ATP8A2: variants seen among roughly 807,000 people sequenced by gnomAD.
ATP8A2 encodes the protein ATPase phospholipid transporting 8A2.
In ATP8A2, 100 loss-of-function variants were observed where a neutral mutation model predicts 165.6. The observed-to-expected ratio is 0.60, with a 90% confidence interval of 0.51 to 0.71. ATP8A2 has a LOEUF of 0.71. Among genes scored for constraint, ATP8A2 ranks in the 30% least tolerant of loss-of-function variants. The pLI is 0.00. For missense variants in ATP8A2, 1,227 were observed against 1,479.5 expected, an observed-to-expected ratio of 0.83 and a Z score of 2.80; for synonymous variants, 543 against 548.8, an observed-to-expected ratio of 0.99 and a Z score of 0.15.
At chr13:25,818,164 C>G (rs554890948) in intron 27 of ATP8A2, among the ~76,000 whole-genome samples, 8 of 152,208 alleles carry the variant, frequency 5.3e-5, no homozygotes, top group African/African-American at 1.7e-4. Context: ...ATATTTTAAA[C>G]TGGAGTGGTT....
intron 35 of ATP8A2, among the ~76,000 whole-genome samples, chr13:25,976,183 C>T (rs1294142233): frequency 6.6e-6 from 1 of 152,186 alleles, no homozygotes; most frequent in Non-Finnish European, 1.5e-5. Context: ...CCTGCCTCAG[C>T]CTCCCAAGTA....
intron 1 of ATP8A2, among the ~76,000 whole-genome samples, chr13:25,436,573 A>C (rs2034782053): frequency 6.6e-6 from 1 of 152,086 alleles, no homozygotes; most frequent in Non-Finnish European, 1.5e-5. Context: ...GATGAACATA[A>C]GCGTGTGTCT....
chr13:25,413,278 G>GGTT (rs2034026910), intron 1 of ATP8A2, among the ~76,000 whole-genome samples: 2 of 105,262 alleles, frequency 1.9e-5, no homozygotes, highest in African/African-American at 7.4e-5. Context: ...CTTTTTCTTT[G>GGTT]TTTTTTTTTT....
At chr13:25,630,077 G>GT (rs1011429082) in intron 24 of ATP8A2, among the ~76,000 whole-genome samples, 2 of 115,808 alleles carry the variant, frequency 1.7e-5, no homozygotes, top group African/African-American at 3.7e-5. Flanking sequence ...ACACCTTTTT[G>GT]TCCCCCCCCC....
Position 25,514,123 on chromosome 13 carries a change from C to G in ATP8A2, c.222-15876C>G, listed in dbSNP as rs76920166. On this transcript the variant is annotated intron_variant, in intron 2 of 36. Transcript: ENST00000381655. ...TTGGTTTTACTTTTTGGAAAATTTG[C>G]TTAGCTTTATTTTTCACTTCCTTTT... Among the ~76,000 whole-genome samples, 1,056 of 152,134 alleles carry G rather than the reference C, an allele frequency of 6.9e-3. 15 individuals are homozygous for G. Among genetic ancestry groups the G allele is most frequent in the African/African-American group, 0.024 (981 of 41,506 alleles).
chr13:25,555,443 AG>A (rs2038953041), intron 13 of ATP8A2, among the ~76,000 whole-genome samples: 1 of 152,188 alleles, frequency 6.6e-6, no homozygotes. Context: ...GCCAATTTAA[AG>A]GACATGCATT....
intron 24 of ATP8A2, among the ~76,000 whole-genome samples, chr13:25,618,224 T>C (rs1366163300): frequency 4.6e-5 from 7 of 152,082 alleles, no homozygotes; most frequent in Non-Finnish European, 7.4e-5. Flanking sequence ...AATGGAAAGA[T>C]TGAGAGTGAC....
intron 24 of ATP8A2, among the ~76,000 whole-genome samples, chr13:25,667,774 A>ATT (rs60051888): frequency 2.0e-5 from 3 of 150,308 alleles, no homozygotes; most frequent in African/African-American, 7.3e-5. Flanking sequence ...TTTGTGTTTG[A>ATT]TTTTTTTTTC....
chr13:25,557,101 CA>C lies in ATP8A2; in HGVS notation c.1264-1864del, dbSNP rs201627991. Among the ~76,000 whole-genome samples, 365 of 151,510 alleles carry C rather than the reference CA, an allele frequency of 2.4e-3. 3 individuals are homozygous for C. Among genetic ancestry groups the C allele is most frequent in the African/African-American group, 7.9e-3 (325 of 41,358 alleles). ...GTAGACTAAAATAGACCTTTGTAGACAAAAAAAAGCAAGTGATTGTGTTTCT... is the reference window on the plus strand; with the variant it reads ...GTAGACTAAAATAGACCTTTGTAGACAAAAAAAGCAAGTGATTGTGTTTCT... On this transcript the variant is annotated intron_variant, in intron 13 of 36. Transcript: ENST00000381655.
intron 1 of ATP8A2, among the ~76,000 whole-genome samples, chr13:25,435,223 C>T (rs1338255424): frequency 6.6e-6 from 1 of 151,260 alleles, no homozygotes; most frequent in South Asian, 2.1e-4. Context: ...CGGTTTCAAG[C>T]GATTCTCCTG....
At chr13:25,403,926 T>C (rs541239624) in intron 1 of ATP8A2, among the ~76,000 whole-genome samples, 1 of 152,284 alleles carries the variant, frequency 6.6e-6, no homozygotes, top group South Asian at 2.1e-4. Flanking sequence ...CCTAGAAGTA[T>C]GAAGGAGGGA....
chr13:25,921,617 G>C (rs1258984199), intron 33 of ATP8A2, among the ~76,000 whole-genome samples: 3 of 89,666 alleles, frequency 3.3e-5, no homozygotes, highest in African/African-American at 1.3e-4. Flanking sequence ...GCTAGACTCT[G>C]TCTCAAAAAA....
chr13:25,431,885 C>G (rs2034624530), intron 1 of ATP8A2, among the ~76,000 whole-genome samples: 1 of 152,104 alleles, frequency 6.6e-6, no homozygotes, highest in South Asian at 2.1e-4. Context: ...TGTTAACAGT[C>G]ACTCCCCTTC....
chr13:25,607,560 C>T (rs2040550213), intron 24 of ATP8A2, among the ~76,000 whole-genome samples: 1 of 152,230 alleles, frequency 6.6e-6, no homozygotes, highest in Middle Eastern at 3.4e-3. Flanking sequence ...CAACACAAAC[C>T]GCATGGCCCA....
At chr13:25,813,572 T>A (rs1950935460) in intron 27 of ATP8A2, among the ~76,000 whole-genome samples, 1 of 152,148 alleles carries the variant, frequency 6.6e-6, no homozygotes, top group South Asian at 2.1e-4. Flanking sequence ...CGATATAATA[T>A]GGCCTGTGAT....
chr13:25,508,364 T>C (rs1434751982), intron 2 of ATP8A2, among the ~76,000 whole-genome samples: 2 of 152,214 alleles, frequency 1.3e-5, no homozygotes, highest in African/African-American at 4.8e-5. Flanking sequence ...CCAGTATTCA[T>C]GGACATATGA....
intron 30 of ATP8A2, among the ~76,000 whole-genome samples, chr13:25,844,796 A>G (rs1231348595): frequency 6.6e-6 from 1 of 152,050 alleles, no homozygotes; most frequent in East Asian, 1.9e-4. Context: ...CCCACTTGAT[A>G]CCTTATGGAT....
At chr13:25,379,917 T>C (rs982271120) in intron 1 of ATP8A2, among the ~76,000 whole-genome samples, 20 of 152,202 alleles carry the variant, frequency 1.3e-4, no homozygotes, top group African/African-American at 3.6e-4. Flanking sequence ...TTCAACTCGA[T>C]TGAACTCTTC....
intron 25 of ATP8A2, among the ~76,000 whole-genome samples, chr13:25,706,231 A>G (rs2043052293): frequency 6.6e-6 from 1 of 152,106 alleles, no homozygotes; most frequent in Non-Finnish European, 1.5e-5. Flanking sequence ...AGCAGTTTAG[A>G]GGTTATTTTG....
Sources: gnomAD v4.1 joint callset for allele counts (sites outside exome capture counted in the v4.1 genomes callset) on GRCh38, gnomAD v4.1.1 for gene constraint, MANE v1.5 for transcripts, NCBI Gene and HGNC (gene_info 2026-07-23, HGNC 2026-07-21) for gene names.